CD44: variants seen among roughly 807,000 people sequenced by gnomAD.
CD44 encodes the protein CD44 molecule (IN blood group).
CD44 carries 49 observed loss-of-function variants against 88.8 expected under a neutral mutation model. The observed-to-expected ratio is 0.55, with a 90% CI of 0.44 to 0.70. The LOEUF is 0.70. Ranked by LOEUF, CD44 falls within the 30% of genes least tolerant of loss-of-function variation. The pLI, the probability that CD44 is intolerant of heterozygous loss-of-function variation, is 0.00. For synonymous variants in CD44, 325 were observed against 312.3 expected (o/e 1.04, Z -0.43); for missense variants, 883 against 913.8 (o/e 0.97, Z 0.43).
chr11:35,157,372 G>A (rs1468521088), intron 1 of CD44, among the ~76,000 whole-genome samples: 7 of 140,004 alleles, frequency 5.0e-5, no homozygotes, highest in African/African-American at 1.6e-4. Flanking sequence ...TCTATCATCT[G>A]TCTGTATTCT....
chr11:35,175,752 A>G (rs1033810863), intron 1 of CD44, among the ~76,000 whole-genome samples: 3 of 152,176 alleles, frequency 2.0e-5, no homozygotes, highest in Admixed American at 6.5e-5. Flanking sequence ...ATATTATTTT[A>G]CCATGTCTTT....
chr11:35,145,865 CT>C (rs1291720282), intron 1 of CD44, among the ~76,000 whole-genome samples: 1 of 152,186 alleles, frequency 6.6e-6, no homozygotes, highest in African/African-American at 2.4e-5. Flanking sequence ...ACCATAGCTT[CT>C]TCGGGGGCAA....
intron 15 of CD44, among the ~76,000 whole-genome samples, chr11:35,217,609 CTTTTAAG>C (rs959834211): frequency 3.3e-5 from 5 of 152,320 alleles, no homozygotes; most frequent in Non-Finnish European, 5.9e-5. Flanking sequence ...GTTTTGCTCC[CTTTTAAG>C]TTTTAACAAA....
At chr11:35,178,777 T>A (rs1007642907) in intron 2 of CD44, among the ~76,000 whole-genome samples, 19 of 152,164 alleles carry the variant, frequency 1.2e-4, no homozygotes, top group Non-Finnish European at 4.4e-5. Flanking sequence ...GGGGGTGAGT[T>A]GGTGGGTAGG....
Position 35,232,155 on chromosome 11 carries a change from T to C in CD44, c.*2822T>C, listed in dbSNP as rs532951143. The C allele has an allele frequency of 6.5e-6, 1 of 152,738 alleles. No individual in the cohort carries two copies. Among genetic ancestry groups the C allele is most frequent in the South Asian group, 2.1e-4 (1 of 4,834 alleles). 9.5% of individuals were successfully genotyped at this position (152,738 alleles called of 1,614,324 possible). On this transcript the variant is annotated 3_prime_UTR_variant, in exon 18 of 18. Coordinates refer to ENST00000428726, the MANE Select transcript of CD44 (RefSeq NM_000610.4). The stretch of plus-strand genomic sequence containing the variant: ...TAACATGGTCCATTCACCTTTATGT[T>C]ATAGATATGTCTTTGTGTAAATCAT...
intron 1 of CD44, among the ~76,000 whole-genome samples, chr11:35,170,850 C>T (rs1943792531): frequency 6.6e-6 from 1 of 152,220 alleles, no homozygotes; most frequent in African/African-American, 2.4e-5. Context: ...GCCAGAGACA[C>T]TGGCACTCTG....
intron 5 of CD44, among the ~76,000 whole-genome samples, chr11:35,193,964 A>T (rs542636501): frequency 6.6e-6 from 1 of 152,338 alleles, no homozygotes; most frequent in South Asian, 2.1e-4. Context: ...TTGAAATGCC[A>T]GTTGTCATCA....
At position 35,231,098 on chromosome 11, in the gene CD44, C is replaced by G. The variant is rs1253040977; in HGVS notation, c.*1765C>G. On this transcript the variant is annotated 3_prime_UTR_variant, in exon 18 of 18. Coordinates refer to ENST00000428726, the MANE Select transcript of CD44 (RefSeq NM_000610.4). ...CCTCCCTCTCTCCCTCCACTTCACC[C>G]CACAATCTTGAAAAACTTCCTTTCT... 6.5e-6 allele frequency: 1 copy of G among 152,874 alleles called. No homozygotes were observed. Among genetic ancestry groups the G allele is most frequent in the African/African-American group, 2.4e-5 (1 of 41,456 alleles). The allele number at this position is 152,874 out of a possible 1,614,324, so 9.5% of individuals were successfully genotyped here.
chr11:35,201,545 G>T, intron 8 of CD44, 126 bp from the exon 9 acceptor site: 4 of 1,166,834 alleles, frequency 3.4e-6, no homozygotes, highest in Non-Finnish European at 4.8e-6. Context: ...AAATTTTTGA[G>T]AGTGGATGCT....
chr11:35,152,684 C>G (rs1860574409), intron 1 of CD44, among the ~76,000 whole-genome samples: 1 of 152,142 alleles, frequency 6.6e-6, no homozygotes, highest in Admixed American at 6.5e-5. Context: ...ATCATTGAAA[C>G]TGTATTCTTT....
At chr11:35,224,202 G>A (rs1949529095) in intron 17 of CD44, among the ~76,000 whole-genome samples, 1 of 152,212 alleles carries the variant, frequency 6.6e-6, no homozygotes, top group African/African-American at 2.4e-5. Context: ...GAAGTGATCT[G>A]TGAGTCACGT....
At chr11:35,143,900 C>A (rs1331207333) in intron 1 of CD44, among the ~76,000 whole-genome samples, 4 of 152,222 alleles carry the variant, frequency 2.6e-5, no homozygotes, top group Non-Finnish European at 4.4e-5. Flanking sequence ...CAAGTTAGGG[C>A]AATGCCCTCT....
At chr11:35,150,480 A>G (rs1317481867) in intron 1 of CD44, among the ~76,000 whole-genome samples, 3 of 152,238 alleles carry the variant, frequency 2.0e-5, no homozygotes, top group Non-Finnish European at 4.4e-5. Context: ...AATGGAAATC[A>G]TAAAGATTGC....
At chr11:35,169,253 T>A (rs1943619207) in intron 1 of CD44, among the ~76,000 whole-genome samples, 1 of 152,188 alleles carries the variant, frequency 6.6e-6, no homozygotes, top group Non-Finnish European at 1.5e-5. Flanking sequence ...GGAGACACCA[T>A]TTCTGTTGTC....
chr11:35,218,505 T>A (rs1318039103), intron 15 of CD44, among the ~76,000 whole-genome samples: 1 of 152,162 alleles, frequency 6.6e-6, no homozygotes, highest in Non-Finnish European at 1.5e-5. Context: ...ATTTTTGTAT[T>A]TTTAGTAGAG....
chr11:35,139,676 C>A, intron 1 of CD44: 1 of 633,944 alleles, frequency 1.6e-6, no homozygotes, highest in East Asian at 3.3e-5. Flanking sequence ...ACCGTTCTCC[C>A]GGATGCGCAC....
At chr11:35,176,486 C>A in intron 1 of CD44, 89 bp from the exon 2 acceptor site, 1 of 1,309,108 alleles carries the variant, frequency 7.6e-7, no homozygotes, top group South Asian at 1.4e-5. Context: ...CCTTATTTGA[C>A]TTTTTAAGGA....
At chr11:35,139,898 C>G (rs527667233) in intron 1 of CD44, among the ~76,000 whole-genome samples, 1 of 152,384 alleles carries the variant, frequency 6.6e-6, no homozygotes, top group African/African-American at 2.4e-5. Flanking sequence ...GTTCTCCCAG[C>G]TCCCCACTGA....
At chr11:35,198,963 AT>A (rs1225697849) in intron 7 of CD44, among the ~76,000 whole-genome samples, 2 of 103,834 alleles carry the variant, frequency 1.9e-5, no homozygotes, top group Non-Finnish European at 4.3e-5. Context: ...GCCAGACTCC[AT>A]CTCAAAAAAA....
Sources: gnomAD v4.1 joint callset for allele counts (sites outside exome capture counted in the v4.1 genomes callset) on GRCh38, gnomAD v4.1.1 for gene constraint, MANE v1.5 for transcripts, NCBI Gene and HGNC (gene_info 2026-07-23, HGNC 2026-07-21) for gene names.